Variants in CASK observed in about 807,000 individuals in gnomAD.
CASK encodes peripheral plasma membrane protein CASK.
CASK carries 4 observed loss-of-function variants against 82.9 expected under a neutral mutation model. That is an observed-to-expected ratio of 0.05 (90% CI 0.02 to 0.11). The LOEUF is 0.11. Ranked by LOEUF, CASK falls within the 10% of genes least tolerant of loss-of-function variation. The probability of loss-of-function intolerance (pLI) is 1.00; values close to 1 mark genes in which losing one functional copy is unlikely to be tolerated. For synonymous variants in CASK, 259 were observed against 253.5 expected, an observed-to-expected ratio of 1.02 and a Z score of -0.20; for missense variants, 358 against 720.9, an observed-to-expected ratio of 0.50 and a Z score of 5.76.
chrX:41,738,259 G>A (rs1245370827), intron 5 of CASK, among the ~76,000 whole-genome samples: 2 of 112,932 alleles, frequency 1.8e-5, no homozygotes, highest in Non-Finnish European at 3.7e-5. Flanking sequence ...ATAGGCATGA[G>A]CCACCGGGCT....
chrX:41,725,529 G>A, intron 5 of CASK, among the ~76,000 whole-genome samples: 1 of 111,498 alleles, frequency 9.0e-6, no homozygotes, highest in Non-Finnish European at 1.9e-5. Flanking sequence ...AGGCTATGGT[G>A]AAGAACACAG....
At chrX:41,626,103 C>T (rs2066371404) in intron 10 of CASK, among the ~76,000 whole-genome samples, 3 of 109,572 alleles carry the variant, frequency 2.7e-5, no homozygotes, top group South Asian at 7.9e-4. Context: ...CATGCCTGGC[C>T]GTGTTATAGA....
At chrX:41,823,664 A>C (rs1250525261) in intron 2 of CASK, among the ~76,000 whole-genome samples, 1 of 111,549 alleles carries the variant, frequency 9.0e-6, no homozygotes, top group Admixed American at 9.5e-5. Flanking sequence ...ATTTGACAAC[A>C]CAGAAAATCT....
At chrX:41,651,236 A>G (rs910032290) in intron 8 of CASK, among the ~76,000 whole-genome samples, 6 of 111,988 alleles carry the variant, frequency 5.4e-5, no homozygotes, top group African/African-American at 1.9e-4. Context: ...AATGCCTGCC[A>G]TTTTCATTGT....
At chrX:41,781,901 AT>A (rs2069485259) in intron 3 of CASK, among the ~76,000 whole-genome samples, 1 of 111,942 alleles carries the variant, frequency 8.9e-6, no homozygotes, top group African/African-American at 3.2e-5. Context: ...CTTTTGAGAA[AT>A]AACTAAGTTA....
chrX:41,859,875 T>C (rs1400602035), intron 1 of CASK, among the ~76,000 whole-genome samples: 2 of 111,629 alleles, frequency 1.8e-5, no homozygotes, highest in Admixed American at 9.5e-5. Context: ...AACCTTGTAC[T>C]TCCCCTAGGA....
intron 12 of CASK, among the ~76,000 whole-genome samples, chrX:41,598,765 T>C (rs1156939748): frequency 8.9e-6 from 1 of 112,124 alleles, no homozygotes; most frequent in African/African-American, 3.2e-5. Context: ...CAGGCCATTT[T>C]TCTTTTTTGA....
chrX:41,536,596 A>G (rs17146065), intron 22 of CASK, among the ~76,000 whole-genome samples: 2,305 of 112,044 alleles, frequency 0.021, 54 homozygotes, highest in African/African-American at 0.07. Context: ...CACCATTATC[A>G]CAATATATAA....
chrX:41,679,627 GT>G (rs1350964934), intron 5 of CASK, among the ~76,000 whole-genome samples: 8 of 106,574 alleles, frequency 7.5e-5, no homozygotes, highest in South Asian at 7.9e-4. Context: ...CTGATGAGGT[GT>G]TTTTTTTTTA....
chrX:41,540,840 T>C (rs1184696176), intron 22 of CASK, among the ~76,000 whole-genome samples: 1 of 112,648 alleles, frequency 8.9e-6, no homozygotes, highest in Non-Finnish European at 1.9e-5. Context: ...TAGAGAATTC[T>C]AGTTTTTCAA....
At chrX:41,739,991 C>T (rs1379867543) in intron 4 of CASK, among the ~76,000 whole-genome samples, 1 of 112,136 alleles carries the variant, frequency 8.9e-6, no homozygotes, top group Non-Finnish European at 1.9e-5. Context: ...AGTTGGGGCT[C>T]CCTTGAACAA....
intron 9 of CASK, among the ~76,000 whole-genome samples, chrX:41,631,182 A>G (rs2066460601): frequency 8.9e-6 from 1 of 112,005 alleles, no homozygotes; most frequent in Non-Finnish European, 1.9e-5. Context: ...ATTGCACAGA[A>G]TAGATATCTT....
At chrX:41,704,401 A>G (rs1174160134) in intron 5 of CASK, among the ~76,000 whole-genome samples, 2 of 112,164 alleles carry the variant, frequency 1.8e-5, no homozygotes, top group Non-Finnish European at 3.8e-5. Flanking sequence ...ATGAAAATAG[A>G]AATGTTTTCT....
intron 3 of CASK, among the ~76,000 whole-genome samples, chrX:41,746,596 A>T (rs1298711512): frequency 8.9e-6 from 1 of 111,934 alleles, no homozygotes; most frequent in Non-Finnish European, 1.9e-5. Flanking sequence ...ATTAACAGCT[A>T]ACATTTTCAT....
At chrX:41,913,891 G>A (rs1404640924) in intron 1 of CASK, among the ~76,000 whole-genome samples, 1 of 111,910 alleles carries the variant, frequency 8.9e-6, no homozygotes, top group Non-Finnish European at 1.9e-5. Context: ...ACAAGCCACA[G>A]AGCAACCGCA....
chrX:41,660,493 C>T lies in CASK; in HGVS notation c.777G>A (p.Leu259=). 2 of 1,209,418 alleles carry T rather than the reference C, an allele frequency of 1.7e-6. No individual in the cohort carries two copies. The highest frequency in any genetic ancestry group is 2.2e-6 in the Non-Finnish European group (2 of 893,314). Residue 259 remains leucine, a synonymous_variant, in exon 8 of 27, where the codon CTG becomes CTA. Transcript: ENST00000378163. Reference sequence around the variant, plus strand: ...AAACAGTGATCCTTTCAGCTGGATCCAGCATCAGCATGCGACGTACTAGGT... The same window carrying T: ...AAACAGTGATCCTTTCAGCTGGATCTAGCATCAGCATGCGACGTACTAGGT... ...AKDLVRRMLM[L]DPAERITVYE...
At chrX:41,664,182 T>C (rs2147476081) in intron 7 of CASK, among the ~76,000 whole-genome samples, 1 of 112,137 alleles carries the variant, frequency 8.9e-6, no homozygotes, top group African/African-American at 3.2e-5. Flanking sequence ...AAACTGATGG[T>C]GAGTGAGGTA....
intron 5 of CASK, among the ~76,000 whole-genome samples, chrX:41,678,304 CT>C (rs1220251209): frequency 1.0e-4 from 11 of 107,244 alleles, no homozygotes; most frequent in East Asian, 5.8e-4. Context: ...CTTCCTTATG[CT>C]TTTTTTTTTC....
intron 16 of CASK, among the ~76,000 whole-genome samples, chrX:41,564,008 C>A (rs746244077): frequency 8.9e-6 from 1 of 111,833 alleles, no homozygotes; most frequent in African/African-American, 3.2e-5. Flanking sequence ...ACGGGCCAGT[C>A]TCACTCATAA....
Sources: gnomAD v4.1 joint callset for allele counts (sites outside exome capture counted in the v4.1 genomes callset) on GRCh38, gnomAD v4.1.1 for gene constraint, MANE v1.5 for transcripts, NCBI Gene and HGNC (gene_info 2026-07-23, HGNC 2026-07-21) for gene names.